Variants in MYLK observed in about 807,000 individuals in gnomAD.
MYLK encodes myosin light chain kinase, also known as myosin light chain kinase, smooth muscle.
In MYLK, 106 loss-of-function variants were observed where a neutral mutation model predicts 203.4. That is an observed-to-expected ratio of 0.52 (90% CI 0.45 to 0.61). The LOEUF (loss-of-function observed/expected upper bound fraction) is 0.61, where lower values mean the gene tolerates loss of function less well. Among genes scored for constraint, MYLK ranks in the 20% least tolerant of loss-of-function variants. The probability of loss-of-function intolerance (pLI) is 0.00; values close to 1 mark genes in which losing one functional copy is unlikely to be tolerated. For missense variants in MYLK, 2,072 were observed against 2,442.3 expected (o/e 0.85, Z 3.20); for synonymous variants, 867 against 959.5 (o/e 0.90, Z 1.78).
In MYLK at chr3:123,649,075, C is replaced by G; in HGVS notation, c.4322-11G>C. 6.2e-7 allele frequency: 1 copy of G among 1,614,136 alleles called. No homozygotes were observed. The highest frequency in any genetic ancestry group is 1.1e-5 in the South Asian group (1 of 91,076). On this transcript the variant is annotated splice_polypyrimidine_tract_variant and intron_variant, in intron 25 of 33. Coordinates refer to ENST00000360304, the MANE Select transcript of MYLK (RefSeq NM_053025.4). ...CGGGCTCCTTCTCATCTGTGGGGCA[C>G]AGGTCAGGGTTGGTGTGAGTCTCAG... is the stretch of plus-strand genomic sequence containing the variant.
At chr3:123,864,987 C>A (rs531592862) in intron 2 of MYLK, among the ~76,000 whole-genome samples, 1 of 152,310 alleles carries the variant, frequency 6.6e-6, no homozygotes, top group Admixed American at 6.5e-5. Flanking sequence ...CATCCCTCCC[C>A]TTGCTGGCTT....
At chr3:123,672,526 G>A (rs1170803803) in intron 20 of MYLK, among the ~76,000 whole-genome samples, 1 of 152,204 alleles carries the variant, frequency 6.6e-6, no homozygotes, top group East Asian at 1.9e-4. Context: ...GTGTGAGAAG[G>A]AGGCTGACAA....
chr3:123,660,329 A>T (rs1359249336), intron 23 of MYLK, among the ~76,000 whole-genome samples: 2 of 152,194 alleles, frequency 1.3e-5, no homozygotes, highest in African/African-American at 4.8e-5. Context: ...CTCCAAACTC[A>T]GTTAGTATTT....
At chr3:123,800,488 C>T (rs1052077889) in intron 3 of MYLK, among the ~76,000 whole-genome samples, 7 of 152,114 alleles carry the variant, frequency 4.6e-5, no homozygotes, top group Non-Finnish European at 1.0e-4. Flanking sequence ...CTGTGTTTCT[C>T]ATAAGGAACT....
chr3:123,722,431 C>T, intron 12 of MYLK, 151 bp from the exon 13 acceptor site: 6 of 1,022,868 alleles, frequency 5.9e-6, no homozygotes, highest in Non-Finnish European at 7.3e-6. Context: ...ATGCACATCT[C>T]CAGCCAGCTG....
intron 24 of MYLK, among the ~76,000 whole-genome samples, chr3:123,650,197 G>A (rs2059160781): frequency 6.6e-6 from 1 of 152,178 alleles, no homozygotes; most frequent in African/African-American, 2.4e-5. Flanking sequence ...CCTGGGCCTT[G>A]GTTTCCCCAT....
chr3:123,810,156 T>C (rs747242730), intron 3 of MYLK, among the ~76,000 whole-genome samples: 3 of 152,134 alleles, frequency 2.0e-5, no homozygotes, highest in African/African-American at 4.8e-5. Context: ...GCTAGGACTA[T>C]AAATAAGGTG....
chr3:123,709,752 A>T lies in MYLK; in HGVS notation c.1942+4T>A. On this transcript the variant is annotated splice_donor_region_variant and intron_variant, in intron 14 of 33. Coordinates refer to ENST00000360304, the MANE Select transcript of MYLK (RefSeq NM_053025.4). ...ATCCCCAAGAGAGAGCTGCAGAGAC[A>T]GACCTGACACTTGGACAGTCATAGT... is the stretch of plus-strand genomic sequence containing the variant. 1 of 1,613,740 alleles carries T rather than the reference A, an allele frequency of 6.2e-7. No individual in the cohort carries two copies. The highest frequency in any genetic ancestry group is 8.5e-7 in the Non-Finnish European group (1 of 1,179,904).
chr3:123,803,306 G>A (rs1184930994), intron 3 of MYLK, among the ~76,000 whole-genome samples: 3 of 152,198 alleles, frequency 2.0e-5, no homozygotes, highest in Non-Finnish European at 2.9e-5. Context: ...CGTTAATGGT[G>A]TTACTGCTTT....
intron 4 of MYLK, among the ~76,000 whole-genome samples, chr3:123,786,494 C>T (rs1176958079): frequency 2.6e-5 from 2 of 78,088 alleles, no homozygotes; most frequent in Non-Finnish European, 4.8e-5. Context: ...AGATGGTTAC[C>T]AGAGGCTGGG....
chr3:123,816,096 A>G (rs2065740128), intron 3 of MYLK, among the ~76,000 whole-genome samples: 1 of 152,266 alleles, frequency 6.6e-6, no homozygotes, highest in Non-Finnish European at 1.5e-5. Context: ...ACAGAGTTTT[A>G]TAATGATATC....
chr3:123,758,525 C>T (rs1423409499), intron 4 of MYLK, among the ~76,000 whole-genome samples: 1 of 152,110 alleles, frequency 6.6e-6, no homozygotes, highest in East Asian at 1.9e-4. Flanking sequence ...CTGTGATCAG[C>T]CACTCTCACT....
At chr3:123,713,579 ATGTGTGTGTGTGTGTG>A (rs3085274) in intron 13 of MYLK, among the ~76,000 whole-genome samples, 2,726 of 135,640 alleles carry the variant, frequency 0.02, 30 homozygotes, top group African/African-American at 0.047. Context: ...GAGCAACACA[ATGTGTGTGTGTGTGTG>A]TGTGTGTGTG....
chr3:123,858,491 G>A (rs1476183172), intron 2 of MYLK, among the ~76,000 whole-genome samples: 1 of 152,088 alleles, frequency 6.6e-6, no homozygotes, highest in African/African-American at 2.4e-5. Context: ...AAGGTCGAGA[G>A]GCTACATCTG....
chr3:123,784,048 C>T (rs2064405090), intron 4 of MYLK, among the ~76,000 whole-genome samples: 2 of 152,176 alleles, frequency 1.3e-5, no homozygotes, highest in East Asian at 3.9e-4. Flanking sequence ...CTGTCCATTT[C>T]CTGCTTTCCC....
At chr3:123,880,823 TCTC>T (rs921299372) in intron 1 of MYLK, among the ~76,000 whole-genome samples, 2 of 152,046 alleles carry the variant, frequency 1.3e-5, no homozygotes, top group African/African-American at 2.4e-5. Context: ...TGTTGCTGGC[TCTC>T]CTCCTGCCCC....
At chr3:123,626,025 G>A (rs2058130546) in intron 31 of MYLK, among the ~76,000 whole-genome samples, 1 of 152,092 alleles carries the variant, frequency 6.6e-6, no homozygotes, top group Admixed American at 6.5e-5. Flanking sequence ...GTGTGATCCT[G>A]GATGGCTTTC....
chr3:123,799,714 C>G (rs767527674), intron 3 of MYLK: 1 of 152,426 alleles, frequency 6.6e-6, no homozygotes, highest in African/African-American at 2.4e-5. Flanking sequence ...CAAATCCTGA[C>G]AAGTTCTCTA....
At chr3:123,679,083 C>T (rs931988089) in intron 20 of MYLK, among the ~76,000 whole-genome samples, 5 of 151,982 alleles carry the variant, frequency 3.3e-5, no homozygotes, top group African/African-American at 4.8e-5. Context: ...CTGAGGCGGG[C>T]GGATCACGAG....
Sources: allele counts gnomAD v4.1 joint callset (sites outside exome capture counted in the v4.1 genomes callset), GRCh38; gene constraint gnomAD v4.1.1; transcripts MANE v1.5; gene names NCBI Gene and HGNC (gene_info 2026-07-23, HGNC 2026-07-21).